The following GALNT13 variants were observed in gnomAD, a reference collection of about 807,000 sequenced individuals.
GALNT13 encodes UDP-GalNAc:polypeptide N-acetylgalactosaminyltransferase 13.
GALNT13 carries 28 observed loss-of-function variants against 64.2 expected under a neutral mutation model. The ratio of observed to expected loss-of-function variants is 0.44; its 90% CI spans 0.32 to 0.60. The LOEUF is 0.60. Among genes scored for constraint, GALNT13 ranks in the 20% least tolerant of loss-of-function variants. The pLI, the probability that GALNT13 is intolerant of heterozygous loss-of-function variation, is 0.05. For synonymous variants in GALNT13, 214 were observed against 224.6 expected (o/e 0.95, Z 0.42); for missense variants, 577 against 669.8 (o/e 0.86, Z 1.53).
chr2:154,422,294 A>G (rs1161500157), intron 11 of GALNT13, among the ~76,000 whole-genome samples: 1 of 152,154 alleles, frequency 6.6e-6, no homozygotes, highest in African/African-American at 2.4e-5. Flanking sequence ...CCAAATATGA[A>G]AAGGGCTTCT....
At chr2:154,329,422 ATGT>A (rs955735394) in intron 9 of GALNT13, among the ~76,000 whole-genome samples, 3 of 152,114 alleles carry the variant, frequency 2.0e-5, no homozygotes, top group African/African-American at 7.2e-5. Context: ...ATTCTTTATG[ATGT>A]TGTTGATTAA....
At chr2:153,436,534 C>A in the GALNT13 span, among the ~76,000 whole-genome samples, 2 of 152,044 alleles carry the variant, frequency 1.3e-5, no homozygotes, top group Non-Finnish European at 2.9e-5. Context: ...CAGAGATTCA[C>A]CTTCTTCCTG....
chr2:153,902,909 A>T (rs1463183929), intron 2 of GALNT13, among the ~76,000 whole-genome samples: 1 of 152,046 alleles, frequency 6.6e-6, no homozygotes, highest in East Asian at 1.9e-4. Flanking sequence ...GAGTCATTGC[A>T]GTTTACCAGT....
chr2:153,215,782 C>G, the GALNT13 span, among the ~76,000 whole-genome samples: 1 of 150,846 alleles, frequency 6.6e-6, no homozygotes, highest in African/African-American at 2.4e-5. Context: ...ATTCTCTGGG[C>G]CTTTAAAAGG....
At chr2:154,454,143 C>A (rs1036470412), downstream of GALNT13, among the ~76,000 whole-genome samples, 4 of 152,002 alleles carry the variant, frequency 2.6e-5, no homozygotes, top group African/African-American at 7.2e-5. Flanking sequence ...CTTCTAAGTG[C>A]AGTCAATGGA....
the GALNT13 span, among the ~76,000 whole-genome samples, chr2:153,689,924 C>T: frequency 6.6e-6 from 1 of 152,030 alleles, no homozygotes; most frequent in African/African-American, 2.4e-5. Context: ...CTTATTCCCT[C>T]TCTCTTTTGT....
chr2:153,516,250 G>A, the GALNT13 span, among the ~76,000 whole-genome samples: 2 of 152,264 alleles, frequency 1.3e-5, no homozygotes, highest in Non-Finnish European at 2.9e-5. Flanking sequence ...CCTTTTTGGA[G>A]TATGGATTCT....
intron 12 of GALNT13, chr2:154,446,789 ATTTAT>A: frequency 6.8e-7 from 1 of 1,464,862 alleles, no homozygotes; most frequent in African/African-American, 1.4e-5. Context: ...ATTTTATTAA[ATTTAT>A]TTTAGCATTT....
chr2:154,071,596 A>G (rs1048463956), intron 3 of GALNT13, among the ~76,000 whole-genome samples: 43 of 152,144 alleles, frequency 2.8e-4, no homozygotes, highest in Admixed American at 1.4e-3. Flanking sequence ...ACTACTCACT[A>G]TGAAATATGT....
the GALNT13 span, among the ~76,000 whole-genome samples, chr2:153,451,660 T>A: frequency 1.3e-5 from 2 of 152,240 alleles, no homozygotes; most frequent in Non-Finnish European, 2.9e-5. Flanking sequence ...TCCAGTGTAC[T>A]GTATGTTTTT....
intron 3 of GALNT13, among the ~76,000 whole-genome samples, chr2:154,033,627 C>T (rs1698478945): frequency 6.6e-6 from 1 of 152,072 alleles, no homozygotes; most frequent in Admixed American, 6.6e-5. Flanking sequence ...CACTACACAC[C>T]TATTATTATA....
the GALNT13 span, among the ~76,000 whole-genome samples, chr2:153,291,556 C>T: frequency 6.6e-6 from 1 of 152,088 alleles, no homozygotes; most frequent in East Asian, 1.9e-4. Context: ...AGCTTTTCAT[C>T]CCCACCACCA....
the GALNT13 span, among the ~76,000 whole-genome samples, chr2:153,503,638 A>C: frequency 6.6e-6 from 1 of 151,764 alleles, no homozygotes; most frequent in Non-Finnish European, 1.5e-5. Flanking sequence ...ACAAGGTTTC[A>C]CCCCGTTGGC....
the GALNT13 span, among the ~76,000 whole-genome samples, chr2:153,213,793 A>T: frequency 2.0e-5 from 3 of 152,228 alleles, no homozygotes; most frequent in Non-Finnish European, 4.4e-5. Flanking sequence ...GGATGACAGG[A>T]AGTAAATATA....
rs1250521730 is a variant in GALNT13, at chr2:154,452,057, C to G, written c.*1506C>G. 6.6e-6 allele frequency: 1 copy of G among 152,022 alleles called. No homozygotes were observed. Among genetic ancestry groups the G allele is most frequent in the Non-Finnish European group, 1.5e-5 (1 of 67,984 alleles). The allele number at this position is 152,022 out of a possible 1,614,324, so 9.4% of individuals were successfully genotyped here. On this transcript the variant is annotated 3_prime_UTR_variant, in exon 13 of 13. Coordinates refer to ENST00000392825, the MANE Select transcript of GALNT13 (RefSeq NM_052917.4). ...GACACTTTCTGATGGTCAGTAAAAT[C>G]TTAAATGATTTTTGCCACTGGTATT...
the GALNT13 span, among the ~76,000 whole-genome samples, chr2:153,678,960 C>A: frequency 6.6e-6 from 1 of 151,972 alleles, no homozygotes; most frequent in East Asian, 1.9e-4. Flanking sequence ...AAGAAGCAGT[C>A]ATCTCTTTAT....
intron 3 of GALNT13, among the ~76,000 whole-genome samples, chr2:154,099,724 G>T (rs1462035033): frequency 6.6e-6 from 1 of 152,030 alleles, no homozygotes; most frequent in Admixed American, 6.6e-5. Flanking sequence ...GATTGCTTGA[G>T]CCCAAAAGTT....
the GALNT13 span, among the ~76,000 whole-genome samples, chr2:153,565,433 A>C: frequency 3.3e-5 from 5 of 152,068 alleles, no homozygotes; most frequent in African/African-American, 9.7e-5. Context: ...TTTGCTTCCA[A>C]ATTATCTTTT....
At chr2:154,157,387 C>CT (rs1234126473) in intron 4 of GALNT13, among the ~76,000 whole-genome samples, 1 of 152,068 alleles carries the variant, frequency 6.6e-6, no homozygotes, top group East Asian at 1.9e-4. Flanking sequence ...ATTCTACCCA[C>CT]TTTTTTTAAG....
Sources: allele counts gnomAD v4.1 joint callset (sites outside exome capture counted in the v4.1 genomes callset), GRCh38; gene constraint gnomAD v4.1.1; transcripts MANE v1.5; gene names NCBI Gene and HGNC (gene_info 2026-07-23, HGNC 2026-07-21).